The following PALS1 variants were observed in gnomAD, a reference collection of about 807,000 sequenced individuals.
The protein encoded by PALS1 is protein PALS1.
A neutral mutation model predicts 78.9 loss-of-function variants in PALS1; 31 were observed. The observed-to-expected ratio is 0.39, with a 90% CI of 0.30 to 0.53. The LOEUF (loss-of-function observed/expected upper bound fraction) is 0.53. Among genes scored for constraint, PALS1 ranks in the 20% least tolerant of loss-of-function variants. The pLI is 0.67. For missense variants in PALS1, 704 were observed against 826.5 expected, an observed-to-expected ratio of 0.85 and a Z score of 1.82; for synonymous variants, 276 against 270.9, an observed-to-expected ratio of 1.02 and a Z score of -0.18.
intron 13 of PALS1, among the ~76,000 whole-genome samples, chr14:67,321,583 G>C (rs551103463): frequency 3.9e-5 from 6 of 152,292 alleles, no homozygotes; most frequent in African/African-American, 1.4e-4. Context: ...ATAGACCCAA[G>C]TCTGAAATTA....
At chr14:67,284,736 T>C (rs1451522873) in intron 3 of PALS1, among the ~76,000 whole-genome samples, 1 of 151,950 alleles carries the variant, frequency 6.6e-6, no homozygotes, top group Non-Finnish European at 1.5e-5. Flanking sequence ...TGAATGAAAT[T>C]ACATAACATA....
intron 2 of PALS1, among the ~76,000 whole-genome samples, chr14:67,272,292 G>T (rs2084421036): frequency 6.6e-6 from 1 of 152,036 alleles, no homozygotes. Context: ...AGCCTTATTT[G>T]TACTTTCCCC....
intron 2 of PALS1, chr14:67,272,125 T>A (rs764878129): frequency 8.6e-5 from 13 of 151,952 alleles, no homozygotes; most frequent in Non-Finnish European, 1.8e-4. Flanking sequence ...GGGTAAATAA[T>A]TAAATTTGTA....
intron 9 of PALS1, among the ~76,000 whole-genome samples, chr14:67,314,270 A>T (rs2085136429): frequency 6.6e-6 from 1 of 152,236 alleles, no homozygotes. Flanking sequence ...TTGTCCAAAG[A>T]TTTTAGAATA....
intron 1 of PALS1, among the ~76,000 whole-genome samples, chr14:67,251,502 C>T (rs1172708389): frequency 6.6e-6 from 1 of 152,040 alleles, no homozygotes; most frequent in Non-Finnish European, 1.5e-5. Context: ...CATTGCACTT[C>T]AGCCTGGTCA....
At chr14:67,288,256 A>G (rs895617772) in intron 3 of PALS1, among the ~76,000 whole-genome samples, 2 of 151,858 alleles carry the variant, frequency 1.3e-5, no homozygotes, top group African/African-American at 2.4e-5. Flanking sequence ...ATTTTTTTGT[A>G]TTTTCAGTAG....
intron 4 of PALS1, among the ~76,000 whole-genome samples, chr14:67,297,235 T>A (rs1253764577): frequency 6.6e-6 from 1 of 152,240 alleles, no homozygotes; most frequent in Non-Finnish European, 1.5e-5. Flanking sequence ...CAACATTTTT[T>A]GGCAGTACCA....
chr14:67,323,261 G>GTATATATATA (rs58770441), intron 13 of PALS1, among the ~76,000 whole-genome samples: 102 of 124,184 alleles, frequency 8.2e-4, no homozygotes, highest in Admixed American at 4.8e-3. Context: ...GTGTGTGTGT[G>GTATATATATA]TATATATATA....
At chr14:67,251,340 C>T (rs1447177283) in intron 1 of PALS1, among the ~76,000 whole-genome samples, 1 of 152,138 alleles carries the variant, frequency 6.6e-6, no homozygotes, top group Non-Finnish European at 1.5e-5. Context: ...TGAGACCAAC[C>T]TGGGCAACAC....
chr14:67,293,956 A>C (rs1462734800), intron 4 of PALS1, among the ~76,000 whole-genome samples: 2 of 152,174 alleles, frequency 1.3e-5, no homozygotes, highest in Non-Finnish European at 2.9e-5. Flanking sequence ...CACAATAGAA[A>C]GGTGGAAAGA....
At chr14:67,284,547 T>TAAAAAAAAAAAAAAAAAAAAAAAAAAAAA (rs36207191) in intron 3 of PALS1, among the ~76,000 whole-genome samples, 1 of 23,296 alleles carries the variant, frequency 4.3e-5, no homozygotes, top group African/African-American at 1.2e-4. Flanking sequence ...GCTGCAGTGC[T>TAAAAAAAAAAAAAAAAAAAAAAAAAAAAA]AAAAAAAAAA....
At chr14:67,264,619 T>G (rs1023113027) in intron 1 of PALS1, among the ~76,000 whole-genome samples, 22 of 152,202 alleles carry the variant, frequency 1.4e-4, no homozygotes, top group Non-Finnish European at 2.4e-4. Context: ...GAAATAAATT[T>G]TTTAATAAAA....
At chr14:67,302,237 G>A in intron 6 of PALS1, 119 bp downstream of exon 6, 3 of 1,224,744 alleles carry the variant, frequency 2.4e-6, no homozygotes, top group South Asian at 4.3e-5. Flanking sequence ...AAAGTGTGGG[G>A]GAAATGGTCA....
chr14:67,315,126 C>T (rs533901106), intron 9 of PALS1, among the ~76,000 whole-genome samples: 11 of 152,168 alleles, frequency 7.2e-5, no homozygotes, highest in African/African-American at 2.6e-4. Context: ...TCATTAATTT[C>T]TGCCTCTATT....
intron 3 of PALS1, among the ~76,000 whole-genome samples, chr14:67,286,722 G>T (rs2084694176): frequency 6.6e-6 from 1 of 151,776 alleles, no homozygotes; most frequent in South Asian, 2.1e-4. Flanking sequence ...GCCAGGTGTG[G>T]TGGAATGCGA....
chr14:67,302,306 CTG>C (rs1208764575), intron 6 of PALS1, 102 bp from the exon 7 acceptor site: 2 of 1,088,484 alleles, frequency 1.8e-6, no homozygotes. Context: ...CTTAAGATAA[CTG>C]AAGGTTAGTA....
At chr14:67,258,890 A>G (rs1012011187) in intron 1 of PALS1, among the ~76,000 whole-genome samples, 1 of 151,990 alleles carries the variant, frequency 6.6e-6, no homozygotes, top group Non-Finnish European at 1.5e-5. Context: ...TTCCCAGGCT[A>G]GAGTGCAGTG....
chr14:67,305,001 T>G (rs2084979764), intron 8 of PALS1, among the ~76,000 whole-genome samples: 1 of 152,214 alleles, frequency 6.6e-6, no homozygotes. Flanking sequence ...CATACGGAAG[T>G]TGATATTGTA....
chr14:67,301,066 A>G (rs887798319), intron 4 of PALS1, among the ~76,000 whole-genome samples: 20 of 152,242 alleles, frequency 1.3e-4, no homozygotes, highest in African/African-American at 4.8e-4. Flanking sequence ...TAAAATAGCA[A>G]GGTAACTGTT....
Sources: allele counts gnomAD v4.1 joint callset (sites outside exome capture counted in the v4.1 genomes callset), GRCh38; gene constraint gnomAD v4.1.1; transcripts MANE v1.5; gene names NCBI Gene and HGNC (gene_info 2026-07-23, HGNC 2026-07-21).